UBA2: variants seen among roughly 807,000 people sequenced by gnomAD.
UBA2 encodes the protein SUMO-activating enzyme subunit 2.
UBA2 carries 11 observed loss-of-function variants against 77.2 expected under a neutral mutation model. The ratio of observed to expected loss-of-function variants is 0.14; its 90% confidence interval spans 0.09 to 0.24. The LOEUF is 0.24. Ranked by LOEUF, UBA2 falls within the 10% of genes least tolerant of loss-of-function variation. UBA2 has a pLI of 1.00. For synonymous variants in UBA2, 278 were observed against 276.7 expected, an observed-to-expected ratio of 1.00 and a Z score of -0.05; for missense variants, 487 against 781.7, an observed-to-expected ratio of 0.62 and a Z score of 4.50.
At chr19:34,458,481 A>AC (rs1568382492) in intron 12 of UBA2, among the ~76,000 whole-genome samples, 3 of 137,694 alleles carry the variant, frequency 2.2e-5, no homozygotes, top group East Asian at 2.2e-4. Flanking sequence ...AATGGCGTGA[A>AC]CCCCAGGGGG....
intron 2 of UBA2, among the ~76,000 whole-genome samples, 196 bp from the exon 3 acceptor site, chr19:34,431,665 T>G (rs931244608): frequency 6.6e-6 from 1 of 152,162 alleles, no homozygotes; most frequent in African/African-American, 2.4e-5. Flanking sequence ...GGCTCTCCGG[T>G]TATTTTATAA....
chr19:34,445,729 C>T (rs2145522094), intron 8 of UBA2, among the ~76,000 whole-genome samples: 1 of 152,210 alleles, frequency 6.6e-6, no homozygotes, highest in East Asian at 1.9e-4. Context: ...TGAGCCACTG[C>T]TCCTGGCTTC....
chr19:34,444,044 GTTTTTTT>G (rs35028159), intron 7 of UBA2, 133 bp downstream of exon 7: 229 of 175,558 alleles, frequency 1.3e-3, no homozygotes, highest in Middle Eastern at 2.7e-3. Context: ...TTTTTTTTTT[GTTTTTTT>G]TTTTTTTTTT....
chr19:34,434,209 T>C (rs1395768887), intron 4 of UBA2, among the ~76,000 whole-genome samples: 1 of 152,170 alleles, frequency 6.6e-6, no homozygotes, highest in Non-Finnish European at 1.5e-5. Flanking sequence ...TCAAATGGGC[T>C]CAGGTGATAC....
chr19:34,434,765 C>A (rs1599889505), intron 4 of UBA2, 103 bp from the exon 5 acceptor site: 3 of 852,788 alleles, frequency 3.5e-6, no homozygotes, highest in Non-Finnish European at 5.6e-6. Flanking sequence ...GAAAATTGTA[C>A]AAAAAATGAA....
intron 8 of UBA2, among the ~76,000 whole-genome samples, chr19:34,447,209 T>C (rs989548901): frequency 2.0e-5 from 3 of 152,108 alleles, no homozygotes; most frequent in African/African-American, 4.8e-5. Flanking sequence ...GTCTAGTCTT[T>C]TCATGTTTTT....
chr19:34,467,311 GA>G (rs928308950), intron 16 of UBA2, among the ~76,000 whole-genome samples: 49 of 145,274 alleles, frequency 3.4e-4, no homozygotes, highest in East Asian at 2.0e-3. Flanking sequence ...TCTCTACAAA[GA>G]AAAAAAAAAA....
intron 2 of UBA2, among the ~76,000 whole-genome samples, chr19:34,431,244 CTTTTTTTTTTTTTTTTT>C (rs1184297228): frequency 1.4e-5 from 1 of 69,388 alleles, no homozygotes; most frequent in South Asian, 6.6e-4. Context: ...ATTTTCTTTT[CTTTTTTTTTTTTTTTTT>C]TTTTTTTAGA....
At chr19:34,462,823 C>T (rs548927992) in intron 14 of UBA2, among the ~76,000 whole-genome samples, 45 of 151,950 alleles carry the variant, frequency 3.0e-4, no homozygotes, top group East Asian at 9.7e-4. Flanking sequence ...AAAATTAGGC[C>T]GGGCGTTGTA....
At chr19:34,428,710 C>T (rs1162493296) in intron 1 of UBA2, 140 bp downstream of exon 1, 24 of 1,178,094 alleles carry the variant, frequency 2.0e-5, no homozygotes, top group Middle Eastern at 3.0e-4. Context: ...GGCTGAGAGG[C>T]TCGGGTTGTG....
chr19:34,434,822 TA>T, intron 4 of UBA2, 45 bp from the exon 5 acceptor site: 1 of 1,426,730 alleles, frequency 7.0e-7, no homozygotes, highest in Non-Finnish European at 9.7e-7. Context: ...TAAAGATAAC[TA>T]ATTTTTTTTT....
intron 13 of UBA2, 68 bp downstream of exon 13, chr19:34,458,992 T>C (rs1264923450): frequency 2.1e-6 from 3 of 1,440,108 alleles, no homozygotes; most frequent in South Asian, 1.6e-5. Flanking sequence ...AAACAAACAC[T>C]AGCTGCTGAT....
chr19:34,429,502 T>G (rs1349088857), intron 1 of UBA2, among the ~76,000 whole-genome samples: 1 of 152,218 alleles, frequency 6.6e-6, no homozygotes, highest in African/African-American at 2.4e-5. Flanking sequence ...CATGATACTT[T>G]TTTAACCATG....
chr19:34,454,331 G>C lies in UBA2; in HGVS notation c.1110G>C (p.Met370Ile), dbSNP rs577813535. The change falls in exon 11 of 17, where the codon ATG becomes ATC. Residue 370 changes from methionine to isoleucine, a missense_variant. By Grantham distance (10) the Met-to-Ile change is conservative. Transcript: ENST00000246548. ...NLRMHIFSMN[M>I]KSRFDIKSMA... Reference sequence around the variant, plus strand: ...GGATGCATATTTTCAGTATGAATATGAAGAGTAGATTTGATATCAAATGTA... The same window carrying C: ...GGATGCATATTTTCAGTATGAATATCAAGAGTAGATTTGATATCAAATGTA... The C allele has an allele frequency of 1.2e-6, 2 of 1,612,658 alleles. No individual in the cohort carries two copies. The highest frequency in any genetic ancestry group is 1.7e-6 in the Non-Finnish European group (2 of 1,179,588).
intron 6 of UBA2, among the ~76,000 whole-genome samples, chr19:34,441,919 T>C (rs1325677703): frequency 8.7e-6 from 1 of 114,656 alleles, no homozygotes; most frequent in Non-Finnish European, 1.9e-5. Context: ...AGACTGTGTC[T>C]CAGAAAAAGA....
chr19:34,461,037 T>A (rs950675832), intron 14 of UBA2, among the ~76,000 whole-genome samples: 1 of 152,236 alleles, frequency 6.6e-6, no homozygotes, highest in Non-Finnish European at 1.5e-5. Context: ...GCTAACACAT[T>A]TGCTATACAA....
intron 1 of UBA2, 127 bp downstream of exon 1, chr19:34,428,697 G>A (rs958364065): frequency 6.7e-6 from 8 of 1,198,576 alleles, no homozygotes; most frequent in Non-Finnish European, 7.3e-6. Context: ...CGGAGCGGGG[G>A]CAGGCTGAGA....
intron 1 of UBA2, 123 bp downstream of exon 1, chr19:34,428,693 G>A: frequency 1.7e-6 from 2 of 1,207,044 alleles, no homozygotes; most frequent in Non-Finnish European, 2.1e-6. Context: ...GTTGCGGAGC[G>A]GGGGCAGGCT....
chr19:34,468,762 C>G (rs1045560056), intron 16 of UBA2, among the ~76,000 whole-genome samples: 4 of 152,196 alleles, frequency 2.6e-5, no homozygotes, highest in Admixed American at 2.6e-4. Context: ...CTCTGCTTTT[C>G]TATTGGAGAA....
Sources: allele counts gnomAD v4.1 joint callset (sites outside exome capture counted in the v4.1 genomes callset), GRCh38; gene constraint gnomAD v4.1.1; transcripts MANE v1.5; gene names NCBI Gene and HGNC (gene_info 2026-07-23, HGNC 2026-07-21).